SCUBE3: variants seen among roughly 807,000 people sequenced by gnomAD.
SCUBE3 encodes the protein signal peptide, CUB domain and EGF like domain containing 3.
SCUBE3 carries 33 observed loss-of-function variants against 116.8 expected under a neutral mutation model. The observed-to-expected ratio is 0.28, with a 90% confidence interval of 0.21 to 0.38. The LOEUF is 0.38. Among genes scored for constraint, SCUBE3 ranks in the 10% least tolerant of loss-of-function variants. The pLI is 1.00. For missense variants in SCUBE3, 1,007 were observed against 1,324.8 expected (o/e 0.76, Z 3.72); for synonymous variants, 418 against 496.9 (o/e 0.84, Z 2.11).
At position 35,239,774 on chromosome 6, in the gene SCUBE3, C is replaced by T. The variant is rs1392241073; in HGVS notation, c.852C>T (p.Asn284=). ...TCKDIDECRL[N]NGGCDHICRN... ...CAGATATAGATGAGTGCCGCTTAAA[C>T]AACGGGGGCTGTGACCATATTTGCC... The change falls in exon 8 of 22, where the codon AAC becomes AAT. Residue 284 remains asparagine, a synonymous_variant. Transcript: ENST00000274938. This position sits in a 1 kb window ranked among gnomAD's most constrained non-coding sequence, Gnocchi z 4.1. 6.2e-7 allele frequency: 1 copy of T among 1,612,304 alleles called. No individual in the cohort carries two copies. The highest frequency in any genetic ancestry group is 8.5e-7 in the Non-Finnish European group (1 of 1,179,368).
At position 35,232,937 on chromosome 6, in the gene SCUBE3, C is replaced by T. The variant is rs1359078772; in HGVS notation, c.557C>T (p.Pro186Leu). 2 of 1,614,088 alleles carry T rather than the reference C, an allele frequency of 1.2e-6. No homozygotes were observed. The highest frequency in any genetic ancestry group is 1.7e-6 in the Non-Finnish European group (2 of 1,180,032). Residue 186 changes from proline (P) to leucine (L), a missense_variant, in exon 5 of 22, where the codon CCT becomes CTT. Pro to Leu is a moderately conservative substitution (Grantham distance 98). Transcript: ENST00000274938. The surrounding 1 kb of genome is among the most constrained non-coding windows in gnomAD (Gnocchi z 4.2). ...GGGGGTATTGCCTGTGAATGCCGTC[C>T]TGGCTTTGAGCTTACCAAGAACCAA... ...PKGGIACECR[P>L]GFELTKNQRD...
At chr6:35,226,479 C>CTTTTTTTTTTTTTTTTTTTTTT (rs1562044702) in intron 1 of SCUBE3, among the ~76,000 whole-genome samples, 2 of 52,186 alleles carry the variant, frequency 3.8e-5, no homozygotes, top group South Asian at 1.1e-3. Context: ...TTTTCTATGT[C>CTTTTTTTTTTTTTTTTTTTTTT]CTTTTTTTTT....
At chr6:35,238,163 A>G (rs1783860169) in intron 7 of SCUBE3, 145 bp downstream of exon 7, 2 of 528,674 alleles carry the variant, frequency 3.8e-6, no homozygotes, top group African/African-American at 1.9e-5. Flanking sequence ...GTTGTCTCCT[A>G]TCTGCCTGTT....
In SCUBE3 at chr6:35,217,177, A is replaced by G. The variant is rs73748071; in HGVS notation, c.85+2674A>G. The stretch of plus-strand genomic sequence containing the variant: ...GATAACCAAGATAATTGTTAACTTA[A>G]AAGCATTAATTTGCTTTGCTTTTGG... On this transcript the variant is annotated intron_variant, in intron 1 of 21. Transcript: ENST00000274938. Among the ~76,000 whole-genome samples, 729 of 136,078 alleles carry G rather than the reference A, an allele frequency of 5.4e-3. 6 individuals are homozygous for G. The highest frequency in any genetic ancestry group is 0.015 in the African/African-American group (569 of 36,712). 89.3% of individuals were successfully genotyped at this position (136,078 alleles called of 152,430 possible). A position where few individuals can be genotyped will look rare whatever the true frequency, so the allele number is the denominator to read the frequency against.
chr6:35,219,040 C>A lies in SCUBE3; in HGVS notation c.85+4537C>A, dbSNP rs990121221. 1.3e-5 allele frequency among the ~76,000 whole-genome samples: 2 copies of A among 152,158 alleles called. No individual in the cohort carries two copies. Among genetic ancestry groups the A allele is most frequent in the African/African-American group, 4.8e-5 (2 of 41,416 alleles). On this transcript the variant is annotated intron_variant, in intron 1 of 21. Transcript: ENST00000274938. This position sits in a 1 kb window ranked among gnomAD's most constrained non-coding sequence, Gnocchi z 4.7. ...GCGCCGGGCCTCCACAGGTTACTCA[C>A]CCAAATCTCAGGCGCTCTCCTCCTT...
In SCUBE3 at chr6:35,241,433, A is replaced by G. The variant is rs987214237; in HGVS notation, c.1196-110A>G. The G allele has an allele frequency of 3.7e-5, 40 of 1,089,254 alleles. No homozygotes were observed. Among genetic ancestry groups the G allele is most frequent in the African/African-American group, 2.8e-4 (18 of 64,690 alleles). 67.5% of individuals were successfully genotyped at this position (1,089,254 alleles called of 1,614,324 possible). On this transcript the variant is annotated intron_variant, in intron 10 of 21. Coordinates refer to ENST00000274938, the MANE Select transcript of SCUBE3 (RefSeq NM_152753.4). The surrounding 1 kb of genome is among the most constrained non-coding windows in gnomAD (Gnocchi z 4.1). ...GAAATTTGTAGTAAACAATCCCATC[A>G]TCAGTCTCCATGGGTACAACAATAG... is the stretch of plus-strand genomic sequence containing the variant.
chr6:35,246,130 T>C, intron 20 of SCUBE3, 34 bp downstream of exon 20: 3 of 1,613,134 alleles, frequency 1.9e-6, no homozygotes, highest in African/African-American at 1.3e-5. Context: ...AGGGGAGGTA[T>C]GTCAGTTTTG....
chr6:35,238,024 G>A lies in SCUBE3; in HGVS notation c.829+6G>A, dbSNP rs1228529670. Reference sequence around the variant, plus strand: ...AGACAGGAAGACGTGCAAAGGTAAGGACTTTGAGAGGACAGAAGCAGAGTG... The same window carrying A: ...AGACAGGAAGACGTGCAAAGGTAAGAACTTTGAGAGGACAGAAGCAGAGTG... On this transcript the variant is annotated splice_donor_region_variant and intron_variant, in intron 7 of 21. Coordinates refer to ENST00000274938, the MANE Select transcript of SCUBE3 (RefSeq NM_152753.4). 2.0e-6 allele frequency: 3 copies of A among 1,537,970 alleles called. No homozygotes were observed. The highest frequency in any genetic ancestry group is 1.1e-5 in the South Asian group (1 of 88,988).
Position 35,243,307 on chromosome 6 carries a change from T to C in SCUBE3, c.1909+71T>C, listed in dbSNP as rs1784163612. ...TGGGCCTGACTCAGAGCAGGACCCTTTGTGGCCTCAGATGCATTTCTCAAA... is the reference window on the plus strand; with the variant it reads ...TGGGCCTGACTCAGAGCAGGACCCTCTGTGGCCTCAGATGCATTTCTCAAA... On this transcript the variant is annotated intron_variant, in intron 15 of 21. Transcript: ENST00000274938. The surrounding 1 kb of genome is among the most constrained non-coding windows in gnomAD (Gnocchi z 6.6). The C allele has an allele frequency of 1.5e-6, 2 of 1,315,328 alleles. No homozygotes were observed. Among genetic ancestry groups the C allele is most frequent in the African/African-American group, 2.9e-5 (2 of 69,302 alleles). The allele number at this position is 1,315,328 out of a possible 1,614,324, so 81.5% of individuals were successfully genotyped here.
At position 35,240,408 on chromosome 6, in the gene SCUBE3, C is replaced by A. The variant is rs1168841917; in HGVS notation, c.987C>A (p.Asp329Glu). 1.2e-6 allele frequency: 2 copies of A among 1,608,024 alleles called. No homozygotes were observed. Among genetic ancestry groups the A allele is most frequent in the Non-Finnish European group, 1.7e-6 (2 of 1,176,676 alleles). ...AGTGTTCCTTTGATCGAACCTGTGA[C>A]CACATATGTGTCAACACACCAGGAA... Reference protein sequence around the residue: ...IDECSFDRTCDHICVNTPGSF... With the variant: ...IDECSFDRTCEHICVNTPGSF... The change falls in exon 9 of 22, where the codon GAC (aspartate) becomes GAA (glutamate). Residue 329 changes from aspartate to glutamate, a missense_variant. Asp to Glu is a conservative substitution (Grantham distance 45). This residue lies in a region of SCUBE3 where 214 missense variants were observed against 316.7 expected (regional missense o/e 0.68). Transcript: ENST00000274938. The surrounding 1 kb of genome is among the most constrained non-coding windows in gnomAD (Gnocchi z 4.6).
At position 35,232,913 on chromosome 6, in the gene SCUBE3, G is replaced by C. The variant is rs149626853; in HGVS notation, c.533G>C (p.Gly178Ala). The change falls in exon 5 of 22, where the codon GGG becomes GCG. Residue 178 changes from glycine (G) to alanine (A), a missense_variant. Gly to Ala is a moderately conservative substitution (Grantham distance 60). Transcript: ENST00000274938. This position sits in a 1 kb window ranked among gnomAD's most constrained non-coding sequence, Gnocchi z 4.2. ...CACATTTGCCGGGAGACACCCAAGGGGGGTATTGCCTGTGAATGCCGTCCT... is the reference window on the plus strand; with the variant it reads ...CACATTTGCCGGGAGACACCCAAGGCGGGTATTGCCTGTGAATGCCGTCCT... The part of the protein sequence containing the change: ...CAHICRETPK[G>A]GIACECRPGF... The C allele has an allele frequency of 9.2e-5, 149 of 1,614,168 alleles. No homozygotes were observed. Among genetic ancestry groups the C allele is most frequent in the Non-Finnish European group, 1.2e-4 (137 of 1,179,994 alleles).
Position 35,214,065 on chromosome 6 carries a change from T to TA in SCUBE3, c.-354_-353insA, listed in dbSNP as rs1782784107. Among the ~76,000 whole-genome samples the TA allele has an allele frequency of 6.6e-6, 1 of 151,992 alleles. No individual in the cohort carries two copies. The highest frequency in any genetic ancestry group is 1.5e-5 in the Non-Finnish European group (1 of 67,970). ...TCTGCGCGCTCTCCGGCTGCAGCTC[T>TA]CTCCCGGCGAAGCTGGGAATTGGGT... On this transcript the variant is annotated 5_prime_UTR_variant, in exon 1 of 22. Coordinates refer to ENST00000274938, the MANE Select transcript of SCUBE3 (RefSeq NM_152753.4). The surrounding 1 kb of genome is among the most constrained non-coding windows in gnomAD (Gnocchi z 6.3).
intron 1 of SCUBE3, among the ~76,000 whole-genome samples, chr6:35,225,864 A>AT (rs1783302023): frequency 6.6e-6 from 1 of 152,232 alleles, no homozygotes; most frequent in African/African-American, 2.4e-5. Flanking sequence ...GAGAATCTGC[A>AT]TTTTAATAAA....
At chr6:35,226,157 G>T (rs1052363234) in intron 1 of SCUBE3, among the ~76,000 whole-genome samples, 1 of 152,150 alleles carries the variant, frequency 6.6e-6, no homozygotes, top group South Asian at 2.1e-4. Flanking sequence ...CTGATGGCCC[G>T]GCACCAGTCC....
chr6:35,238,752 G>C (rs541598519), intron 7 of SCUBE3, among the ~76,000 whole-genome samples: 1 of 152,206 alleles, frequency 6.6e-6, no homozygotes, highest in Non-Finnish European at 1.5e-5. Flanking sequence ...AGGGAGAATG[G>C]GGGGAAAGGG....
intron 12 of SCUBE3, 110 bp downstream of exon 12, chr6:35,242,020 G>C (rs915220963): frequency 1.2e-5 from 11 of 922,538 alleles, no homozygotes; most frequent in Non-Finnish European, 2.0e-5. Context: ...CCTCTTTTTT[G>C]CCCTGTAATT....
intron 6 of SCUBE3, 30 bp from the exon 7 acceptor site, chr6:35,237,872 A>G (rs1297115281): frequency 2.8e-6 from 4 of 1,429,178 alleles, no homozygotes; most frequent in Non-Finnish European, 3.9e-6. Context: ...TTGTAACCTC[A>G]TTACCATCCC....
chr6:35,252,732 AC>A lies in SCUBE3; in HGVS notation c.*4032del, dbSNP rs1171834430. 1 of 152,096 alleles carries A rather than the reference AC, an allele frequency of 6.6e-6. No individual in the cohort carries two copies. The highest frequency in any genetic ancestry group is 2.4e-5 in the African/African-American group (1 of 41,406). The allele number at this position is 152,096 out of a possible 1,614,324, so 9.4% of individuals were successfully genotyped here. On this transcript the variant is annotated 3_prime_UTR_variant, in exon 22 of 22. Transcript: ENST00000274938. ...GAAATATATGATTAGAAGGAATAGA[AC>A]CCCCAGTTGTCATCAGCTTTTTTAG...
In SCUBE3 at chr6:35,243,245, G is replaced by C. The variant is rs779782465; in HGVS notation, c.1909+9G>C. The stretch of plus-strand genomic sequence containing the variant: ...TGCTGGGACCAAGTGTGGTAAGGGA[G>C]CTTACTGGGGAGCAGGGATGTAGGA... On this transcript the variant is annotated intron_variant, in intron 15 of 21. Transcript: ENST00000274938. The surrounding 1 kb of genome is among the most constrained non-coding windows in gnomAD (Gnocchi z 6.6). The C allele has an allele frequency of 1.6e-5, 26 of 1,610,296 alleles. No homozygotes were observed. Among genetic ancestry groups the C allele is most frequent in the Middle Eastern group, 1.7e-4 (1 of 5,964 alleles).
Sources: allele counts gnomAD v4.1 joint callset (sites outside exome capture counted in the v4.1 genomes callset), GRCh38; gene constraint gnomAD v4.1.1; regional missense constraint gnomAD v4.1.1; non-coding constraint Gnocchi (gnomAD v3.1); transcripts MANE v1.5; gene names NCBI Gene and HGNC (gene_info 2026-07-23, HGNC 2026-07-21).